Variants in RASAL2 observed in about 807,000 individuals in gnomAD.
RASAL2 encodes the protein ras GTPase-activating protein nGAP.
RASAL2 carries 58 observed loss-of-function variants against 128.9 expected under a neutral mutation model. The ratio of observed to expected loss-of-function variants is 0.45; its 90% CI spans 0.36 to 0.56. RASAL2 has a LOEUF of 0.56. RASAL2 is among the 20% of genes least tolerant of loss of function. The pLI is 0.00. For missense variants in RASAL2, 1,360 were observed against 1,601.6 expected (o/e 0.85, Z 2.57); for synonymous variants, 561 against 580.8 (o/e 0.97, Z 0.49).
At chr1:178,394,071 GTGTATACTT>G (rs1673072993) in intron 4 of RASAL2, among the ~76,000 whole-genome samples, 2 of 152,030 alleles carry the variant, frequency 1.3e-5, no homozygotes, top group Non-Finnish European at 2.9e-5. Context: ...TAGTTATATA[GTGTATACTT>G]TGTCTACTTA....
intron 4 of RASAL2, among the ~76,000 whole-genome samples, chr1:178,402,364 A>G (rs888810078): frequency 1.3e-5 from 2 of 152,042 alleles, no homozygotes; most frequent in Admixed American, 6.6e-5. Context: ...AGATAACGCC[A>G]CTGCACTCCA....
At chr1:178,105,383 T>A (rs1659050215) in intron 1 of RASAL2, among the ~76,000 whole-genome samples, 1 of 152,258 alleles carries the variant, frequency 6.6e-6, no homozygotes, top group African/African-American at 2.4e-5. Context: ...CTTGTCTTGC[T>A]AGGCCAGAAA....
intron 1 of RASAL2, among the ~76,000 whole-genome samples, chr1:178,170,489 A>G (rs1661669649): frequency 6.6e-6 from 1 of 151,798 alleles, no homozygotes; most frequent in African/African-American, 2.4e-5. Flanking sequence ...CAGAATTTTT[A>G]GGGGGATTAA....
intron 1 of RASAL2, among the ~76,000 whole-genome samples, chr1:178,139,596 G>A (rs1433639421): frequency 6.6e-6 from 1 of 152,058 alleles, no homozygotes; most frequent in Non-Finnish European, 1.5e-5. Flanking sequence ...GAGTCGGAAA[G>A]TTACCTATGA....
intron 1 of RASAL2, among the ~76,000 whole-genome samples, chr1:178,182,006 C>G (rs2101930762): frequency 6.6e-6 from 1 of 152,264 alleles, no homozygotes; most frequent in African/African-American, 2.4e-5. Context: ...AGTCACTGTG[C>G]TCAGCACACT....
intron 3 of RASAL2, among the ~76,000 whole-genome samples, chr1:178,353,943 C>G (rs1275780010): frequency 6.6e-6 from 1 of 151,416 alleles, no homozygotes; most frequent in African/African-American, 2.4e-5. Flanking sequence ...TGCACTCCAG[C>G]TTGGGTGACA....
intron 1 of RASAL2, among the ~76,000 whole-genome samples, chr1:178,105,274 A>C (rs932630639): frequency 6.6e-6 from 1 of 152,172 alleles, no homozygotes; most frequent in Non-Finnish European, 1.5e-5. Flanking sequence ...AATAGGAATA[A>C]GACTATGGAA....
In RASAL2 at chr1:178,206,907, G is replaced by A. The variant is rs144546200; in HGVS notation, c.203-76657G>A. Among the ~76,000 whole-genome samples, 589 of 152,232 alleles carry A rather than the reference G, an allele frequency of 3.9e-3. 1 individual carries two copies. Among genetic ancestry groups the A allele is most frequent in the Admixed American group, 8.2e-3 (126 of 15,302 alleles). On this transcript the variant is annotated intron_variant, in intron 1 of 17. Transcript: ENST00000367649. ...GTAATGATCTCAGCCAGACGAGGTGGCTTACTCCTGTAGTCCTAGCACTTT... is the reference window on the plus strand; with the variant it reads ...GTAATGATCTCAGCCAGACGAGGTGACTTACTCCTGTAGTCCTAGCACTTT...
rs376673722 is a variant in RASAL2 at position 178,136,625 on chromosome 1, C to T, written c.202+41931C>T. On this transcript the variant is annotated intron_variant, in intron 1 of 17. Transcript: ENST00000367649. Reference sequence around the variant, plus strand: ...TACGAAAATTACCGGGGCGTGGTGGCGGGTGCCAGTAATCTCAGCTACTCA... The same window carrying T: ...TACGAAAATTACCGGGGCGTGGTGGTGGGTGCCAGTAATCTCAGCTACTCA... 8.1e-4 allele frequency among the ~76,000 whole-genome samples: 122 copies of T among 151,468 alleles called. 1 individual carries two copies. Among genetic ancestry groups the T allele is most frequent in the Middle Eastern group, 6.8e-3 (2 of 294 alleles).
intron 3 of RASAL2, among the ~76,000 whole-genome samples, chr1:178,337,879 C>T (rs1305209219): frequency 6.6e-6 from 1 of 151,534 alleles, no homozygotes; most frequent in Non-Finnish European, 1.5e-5. Flanking sequence ...TTATAGGCGC[C>T]TGCCACCACG....
At chr1:178,335,198 A>G (rs905918872) in intron 3 of RASAL2, among the ~76,000 whole-genome samples, 1 of 152,078 alleles carries the variant, frequency 6.6e-6, no homozygotes, top group Admixed American at 6.6e-5. Context: ...TTCTTTTAAA[A>G]AATAATCAGG....
intron 3 of RASAL2, among the ~76,000 whole-genome samples, chr1:178,343,765 A>C (rs1669999936): frequency 6.6e-6 from 1 of 152,148 alleles, no homozygotes; most frequent in Non-Finnish European, 1.5e-5. Context: ...AACAAATGTC[A>C]GATTATGCAG....
chr1:178,467,062 A>G (rs745776881), intron 16 of RASAL2, among the ~76,000 whole-genome samples: 3 of 152,170 alleles, frequency 2.0e-5, no homozygotes, highest in Non-Finnish European at 2.9e-5. Context: ...ATATTTTAAG[A>G]TGAAATAAGT....
At chr1:178,419,327 G>A (rs1674983268) in intron 4 of RASAL2, among the ~76,000 whole-genome samples, 1 of 152,068 alleles carries the variant, frequency 6.6e-6, no homozygotes, top group Non-Finnish European at 1.5e-5. Context: ...CGGCTGGAGT[G>A]CTGTGGTACA....
intron 3 of RASAL2, among the ~76,000 whole-genome samples, chr1:178,361,920 G>C (rs1671129575): frequency 6.6e-6 from 1 of 151,880 alleles, no homozygotes; most frequent in South Asian, 2.1e-4. Flanking sequence ...ATTCTCATAA[G>C]GAACACGCAA....
At chr1:178,172,960 G>C (rs1661753238) in intron 1 of RASAL2, among the ~76,000 whole-genome samples, 1 of 152,050 alleles carries the variant, frequency 6.6e-6, no homozygotes, top group Non-Finnish European at 1.5e-5. Flanking sequence ...TCTTAAAATT[G>C]TGTAAAAATA....
rs573002056 is a variant in RASAL2 at position 178,442,857 on chromosome 1, A to G, written c.1110A>G (p.Pro370=). ...AACATTTTGAATTCTTCAGCCTTCCACCTCTTCATAGTATCACAGTTCACA... is the reference window on the plus strand; with the variant it reads ...AACATTTTGAATTCTTCAGCCTTCCGCCTCTTCATAGTATCACAGTTCACA... The part of the protein sequence containing the change: ...WGEHFEFFSL[P]PLHSITVHIY... The change falls in exon 8 of 18, where the codon CCA becomes CCG. Residue 370 remains proline (P), a synonymous_variant. Coordinates refer to ENST00000367649, the MANE Select transcript of RASAL2 (RefSeq NM_170692.4). 3.1e-6 allele frequency: 5 copies of G among 1,613,896 alleles called. No individual in the cohort carries two copies. The South Asian group carries it at 5.5e-5, about 18-fold the overall frequency.
At chr1:178,305,388 A>G (rs1667940036) in intron 3 of RASAL2, among the ~76,000 whole-genome samples, 1 of 152,192 alleles carries the variant, frequency 6.6e-6, no homozygotes, top group African/African-American at 2.4e-5. Context: ...ACATTACCTG[A>G]GTTCAAATTA....
At chr1:178,122,258 G>A (rs890225856) in intron 1 of RASAL2, among the ~76,000 whole-genome samples, 3 of 152,152 alleles carry the variant, frequency 2.0e-5, no homozygotes, top group Admixed American at 6.5e-5. Flanking sequence ...CTTTATCACC[G>A]ATCTGTTTTT....
Sources: gnomAD v4.1 joint callset for allele counts (sites outside exome capture counted in the v4.1 genomes callset) on GRCh38, gnomAD v4.1.1 for gene constraint, MANE v1.5 for transcripts, NCBI Gene and HGNC (gene_info 2026-07-23, HGNC 2026-07-21) for gene names.